The following PLXNA4 variants were observed in gnomAD, a reference collection of about 807,000 sequenced individuals.
PLXNA4 encodes the protein plexin A4.
Under a neutral mutation model 191.8 loss-of-function variants are expected in PLXNA4, and 44 were observed. That is an observed-to-expected ratio of 0.23 (90% confidence interval 0.18 to 0.29). The LOEUF (loss-of-function observed/expected upper bound fraction) is 0.29, where lower values mean the gene tolerates loss of function less well. PLXNA4 is among the 10% of genes least tolerant of loss of function. The pLI is 1.00. For synonymous variants in PLXNA4, 1,082 were observed against 1,009.5 expected, an observed-to-expected ratio of 1.07 and a Z score of -1.36; for missense variants, 1,800 against 2,488.8, an observed-to-expected ratio of 0.72 and a Z score of 5.89.
intron 1 of PLXNA4, among the ~76,000 whole-genome samples, chr7:132,563,201 TCC>T (rs1801412116): frequency 1.5e-5 from 1 of 65,840 alleles, no homozygotes; most frequent in African/African-American, 5.6e-5. Context: ...CTCCTCCTCT[TCC>T]TCCTCCTCCT....
intron 3 of PLXNA4, among the ~76,000 whole-genome samples, chr7:132,404,678 C>T (rs1794136820): frequency 6.6e-6 from 1 of 152,198 alleles, no homozygotes; most frequent in African/African-American, 2.4e-5. Context: ...TTAACTTTCC[C>T]ATGTTTTGTC....
intron 3 of PLXNA4, among the ~76,000 whole-genome samples, chr7:132,356,364 T>C (rs1352438261): frequency 6.6e-6 from 1 of 152,214 alleles, no homozygotes; most frequent in Non-Finnish European, 1.5e-5. Flanking sequence ...ATAACCACAG[T>C]AAACATTGCT....
chr7:132,228,781 C>T (rs933022952), intron 5 of PLXNA4, among the ~76,000 whole-genome samples: 1 of 152,192 alleles, frequency 6.6e-6, no homozygotes, highest in Admixed American at 6.5e-5. Flanking sequence ...CATCCTTAGC[C>T]CTTGCCATTC....
intron 1 of PLXNA4, among the ~76,000 whole-genome samples, chr7:132,564,551 T>C (rs1563177881): frequency 1.3e-5 from 2 of 152,180 alleles, no homozygotes; most frequent in African/African-American, 4.8e-5. Flanking sequence ...TTCCCACGTA[T>C]GTTGTGGCCA....
chr7:132,337,972 G>A (rs1445986966), intron 3 of PLXNA4, among the ~76,000 whole-genome samples: 1 of 152,188 alleles, frequency 6.6e-6, no homozygotes, highest in Non-Finnish European at 1.5e-5. Context: ...GGCAAATTTA[G>A]GTTCATCTTC....
chr7:132,598,277 T>G (rs1179519603), intron 2 of PLXNA4, among the ~76,000 whole-genome samples: 1 of 152,074 alleles, frequency 6.6e-6, no homozygotes, highest in Non-Finnish European at 1.5e-5. Context: ...CCTGGCTAAT[T>G]TTTGTATTTT....
rs556155175 is a variant in PLXNA4, at chr7:132,351,702, C to A, written c.1372-53480G>T. Among the ~76,000 whole-genome samples the A allele has an allele frequency of 2.0e-5, 3 of 152,260 alleles. No homozygotes were observed. In the South Asian group the frequency reaches 6.2e-4, roughly 32 times the overall value. On this transcript the variant is annotated intron_variant, in intron 3 of 31. Coordinates refer to ENST00000321063, the MANE Select transcript of PLXNA4 (RefSeq NM_020911.2). ...ACCATGAGTCAAGTCACATGTAGGA[C>A]CCAGCCAAGGACCTAGAGTCCCTGC...
chr7:132,458,150 G>A (rs1796376321), intron 3 of PLXNA4, among the ~76,000 whole-genome samples: 1 of 152,046 alleles, frequency 6.6e-6, no homozygotes, highest in African/African-American at 2.4e-5. Flanking sequence ...ACTACACCAT[G>A]CAGTCTGAAA....
chr7:132,277,421 AGCCCTGGTGTCT>A (rs889008160), intron 4 of PLXNA4, among the ~76,000 whole-genome samples: 1 of 152,192 alleles, frequency 6.6e-6, no homozygotes, highest in African/African-American at 2.4e-5. Context: ...GCCAATTATA[AGCCCTGGTGTCT>A]GCCCTGCAGG....
chr7:132,327,114 T>TG (rs56150030), intron 3 of PLXNA4, among the ~76,000 whole-genome samples: 11,706 of 89,592 alleles, frequency 0.13, 729 homozygotes, highest in Admixed American at 0.29. Flanking sequence ...GAAAGAAATG[T>TG]GGAAGGAAAA....
chr7:132,537,827 C>T lies in PLXNA4; in HGVS notation c.-86-29048G>A, dbSNP rs7804746. On this transcript the variant is annotated intron_variant, in intron 1 of 31. Transcript: ENST00000321063. ...AGTCTTTATCTAGATCAAGCCCTTC[C>T]TCAAGCCATGACCTTCTGTTGTCAA... Among the ~76,000 whole-genome samples, 1,149 of 152,284 alleles carry T rather than the reference C, an allele frequency of 7.5e-3. 18 individuals carry two copies. The highest frequency in any genetic ancestry group is 0.025 in the African/African-American group (1,049 of 41,552).
chr7:132,507,244 A>G (rs1798502486), intron 2 of PLXNA4, among the ~76,000 whole-genome samples: 2 of 152,140 alleles, frequency 1.3e-5, no homozygotes, highest in Admixed American at 1.3e-4. Flanking sequence ...CCCCGTCATA[A>G]CTAGTGAGCC....
At chr7:132,268,194 G>A (rs542714360) in intron 4 of PLXNA4, among the ~76,000 whole-genome samples, 11 of 152,256 alleles carry the variant, frequency 7.2e-5, no homozygotes, top group African/African-American at 2.6e-4. Flanking sequence ...GAGATACAAC[G>A]TGGCTGGCAT....
chr7:132,378,594 A>G lies in PLXNA4; in HGVS notation c.1372-80372T>C, dbSNP rs185427049. On this transcript the variant is annotated intron_variant, in intron 3 of 31. Coordinates refer to ENST00000321063, the MANE Select transcript of PLXNA4 (RefSeq NM_020911.2). ...CCAGACATTCCAAGAAGTTTCATGGATAGCAGGCATGGCAGATGATTAACT... is the reference window on the plus strand; with the variant it reads ...CCAGACATTCCAAGAAGTTTCATGGGTAGCAGGCATGGCAGATGATTAACT... Among the ~76,000 whole-genome samples, 4 of 152,294 alleles carry G rather than the reference A, an allele frequency of 2.6e-5. No homozygotes were observed. In the East Asian group the frequency reaches 7.7e-4, roughly 29 times the overall value.
intron 2 of PLXNA4, among the ~76,000 whole-genome samples, chr7:132,626,673 C>G (rs1465646247): frequency 6.6e-6 from 1 of 152,212 alleles, no homozygotes; most frequent in Non-Finnish European, 1.5e-5. Flanking sequence ...ACTGCAGAAC[C>G]ATGAGCCAAT....
At position 132,438,274 on chromosome 7, in the gene PLXNA4, A is replaced by G. The variant is rs148976705; in HGVS notation, c.1371+51018T>C. Among the ~76,000 whole-genome samples the G allele has an allele frequency of 2.0e-3, 307 of 152,028 alleles. 1 individual carries two copies. Among genetic ancestry groups the G allele is most frequent in the Middle Eastern group, 0.014 (4 of 294 alleles). On this transcript the variant is annotated intron_variant, in intron 3 of 31. Transcript: ENST00000321063. ...TGTCCTCATCTATGAGGTGTAGATA[A>G]CAGTAAGTAACTATCATAGGGTTGC...
chr7:132,301,521 T>C (rs1563021732), intron 3 of PLXNA4, among the ~76,000 whole-genome samples: 3 of 152,224 alleles, frequency 2.0e-5, no homozygotes, highest in Non-Finnish European at 4.4e-5. Flanking sequence ...AGGTCACACA[T>C]CTGGCGGATG....
intron 3 of PLXNA4, among the ~76,000 whole-genome samples, chr7:132,330,409 A>G (rs1311073882): frequency 1.3e-5 from 2 of 152,220 alleles, no homozygotes; most frequent in Non-Finnish European, 2.9e-5. Flanking sequence ...TGAGTAAAAT[A>G]TAACCCGCTC....
At position 132,237,449 on chromosome 7, in the gene PLXNA4, A is replaced by T. The variant is rs185392191; in HGVS notation, c.1604+3617T>A. ...CAAGATTTTACCCCCACCTTCTTAT[A>T]GTTGCCAGGGGGCTCTCCTTGGTCA... is the stretch of plus-strand genomic sequence containing the variant. On this transcript the variant is annotated intron_variant, in intron 5 of 31. Transcript: ENST00000321063. 3.3e-5 allele frequency among the ~76,000 whole-genome samples: 5 copies of T among 152,294 alleles called. No individual in the cohort carries two copies. In the East Asian group the frequency reaches 9.7e-4, roughly 29 times the overall value.
Sources: gnomAD v4.1 joint callset for allele counts (sites outside exome capture counted in the v4.1 genomes callset) on GRCh38, gnomAD v4.1.1 for gene constraint, MANE v1.5 for transcripts, NCBI Gene and HGNC (gene_info 2026-07-23, HGNC 2026-07-21) for gene names.